Variants in INKA2 observed in about 807,000 individuals in gnomAD.
INKA2 encodes the protein PAK4-inhibitor INKA2.
In INKA2, 3 loss-of-function variants were observed where a neutral mutation model predicts 9.8. That is an observed-to-expected ratio of 0.31 (90% CI 0.14 to 0.79). INKA2 has a LOEUF of 0.79. INKA2 is among the 30% of genes least tolerant of loss of function. The pLI is 0.62. For missense variants in INKA2, 392 were observed against 384.4 expected (o/e 1.02, Z -0.17); for synonymous variants, 147 against 143.3 (o/e 1.03, Z -0.18).
At chr1:111,752,393 T>C (rs1276731912) in intron 1 of INKA2, among the ~76,000 whole-genome samples, 1 of 152,220 alleles carries the variant, frequency 6.6e-6, no homozygotes, top group Non-Finnish European at 1.5e-5. Flanking sequence ...AGGATACCTG[T>C]TTGTGTGCAT....
At chr1:111,746,876 C>G (rs1663285462) in intron 1 of INKA2, 1 of 152,204 alleles carries the variant, frequency 6.6e-6, no homozygotes, top group African/African-American at 2.4e-5. Flanking sequence ...GAATCCACAT[C>G]CTCTCGGTCA....
At chr1:111,730,928 T>C (rs931120092) in intron 1 of INKA2, among the ~76,000 whole-genome samples, 3 of 152,140 alleles carry the variant, frequency 2.0e-5, no homozygotes, top group Non-Finnish European at 4.4e-5. Flanking sequence ...GGTAACTCAC[T>C]ACACAGGGAG....
chr1:111,746,952 C>A (rs1663286967), intron 1 of INKA2: 1 of 152,192 alleles, frequency 6.6e-6, no homozygotes. Flanking sequence ...GTTTTCTCCT[C>A]CGTGATCTCT....
rs1321345188 is a variant in INKA2 at position 111,727,342 on chromosome 1, C to T, written c.520G>A (p.Glu174Lys). 1.9e-6 allele frequency: 3 copies of T among 1,614,058 alleles called. No homozygotes were observed. Among genetic ancestry groups the T allele is most frequent in the Non-Finnish European group, 2.5e-6 (3 of 1,180,042 alleles). The part of the protein sequence containing the change: ...DLVGNWLDLP[E>K]LEKGGEKGET... The stretch of plus-strand genomic sequence containing the variant: ...CCCTTCTCCCCACCCTTCTCCAGTT[C>T]TGGCAAGTCTAGCCAATTGCCCACC... Residue 174 changes from glutamate (E) to lysine (K), a missense_variant, in exon 2 of 2, where the codon GAA becomes AAA. Coordinates refer to ENST00000357260, the MANE Select transcript of INKA2 (RefSeq NM_019099.5).
chr1:111,752,177 G>A (rs1285459466), intron 1 of INKA2, among the ~76,000 whole-genome samples: 2 of 152,204 alleles, frequency 1.3e-5, no homozygotes, highest in Non-Finnish European at 2.9e-5. Context: ...GGGTGATTGG[G>A]ATCTTTGTGG....
chr1:111,754,226 AGGTGAGGGCACTAAGAGGAAGGCTG>A (rs1215940815), intron 1 of INKA2: 1 of 152,224 alleles, frequency 6.6e-6, no homozygotes, highest in Non-Finnish European at 1.5e-5. Context: ...CAGATAAAAG[AGGTGAGGGCACTAAGAGGAAGGCTG>A]GGACCTTTAG....
rs1266909591 is a variant in INKA2 at position 111,755,725 on chromosome 1, C to G, written n.100G>C. ...CCAGTTGCCTCATCTTTCCTCTCCT[C>G]CCTCTTGGGGCTTTCCTCAGGCCAC... is the stretch of plus-strand genomic sequence containing the variant. On this transcript the variant is annotated non_coding_transcript_exon_variant, in exon 1 of 2. Coordinates refer to the INKA2 transcript ENST00000444059. 1.9e-6 allele frequency: 3 copies of G among 1,613,816 alleles called. No individual in the cohort carries two copies. The Admixed American group carries it at 5.0e-5, about 27-fold the overall frequency.
chr1:111,739,606 C>G (rs779034363), upstream of INKA2, among the ~76,000 whole-genome samples: 2 of 152,238 alleles, frequency 1.3e-5, no homozygotes, highest in African/African-American at 4.8e-5. Context: ...TCCCGGCCAG[C>G]GCGGCGGAGG....
chr1:111,742,249 T>C (rs935838850), upstream of INKA2, among the ~76,000 whole-genome samples: 1 of 152,206 alleles, frequency 6.6e-6, no homozygotes, highest in African/African-American at 2.4e-5. Flanking sequence ...CCCCTGCTTA[T>C]GGGTTTAAAC....
At chr1:111,743,119 A>T (rs1034386582), upstream of INKA2, among the ~76,000 whole-genome samples, 1 of 152,162 alleles carries the variant, frequency 6.6e-6, no homozygotes, top group African/African-American at 2.4e-5. Context: ...TGGGCTGGGG[A>T]TGGGGGCTGG....
At chr1:111,746,407 A>G (rs1663275127) in intron 1 of INKA2, 1 of 152,266 alleles carries the variant, frequency 6.6e-6, no homozygotes, top group African/African-American at 2.4e-5. Flanking sequence ...CTCTCCTAGC[A>G]TTGAACAGAT....
At chr1:111,737,332 C>T (rs1663027965) in intron 1 of INKA2, among the ~76,000 whole-genome samples, 1 of 152,126 alleles carries the variant, frequency 6.6e-6, no homozygotes, top group African/African-American at 2.4e-5. Flanking sequence ...CACTCGTAGT[C>T]TCTGTCTTCC....
chr1:111,755,710 C>G lies in INKA2; in HGVS notation n.115G>C, dbSNP rs769990073. 24 of 1,613,780 alleles carry G rather than the reference C, an allele frequency of 1.5e-5. No individual in the cohort carries two copies. In the South Asian group the frequency reaches 2.6e-4, roughly 18 times the overall value. ...ACAGGCAGCGACTCACCAGTTGCCT[C>G]ATCTTTCCTCTCCTCCCTCTTGGGG... On this transcript the variant is annotated non_coding_transcript_exon_variant, in exon 1 of 2. Coordinates refer to the INKA2 transcript ENST00000444059.
chr1:111,739,503 C>T, upstream of INKA2: 4 of 1,237,402 alleles, frequency 3.2e-6, no homozygotes, highest in South Asian at 3.4e-5. Flanking sequence ...GCAGGGCGGC[C>T]GGGAGGCCGG....
chr1:111,753,861 G>C (rs1269823518), intron 1 of INKA2: 3 of 152,258 alleles, frequency 2.0e-5, no homozygotes, highest in Non-Finnish European at 4.4e-5. Flanking sequence ...ATTATTTATA[G>C]TGTGATGTGG....
intron 1 of INKA2, chr1:111,753,242 TAGATGGG>T (rs1663447650): frequency 6.6e-6 from 1 of 152,130 alleles, no homozygotes; most frequent in Non-Finnish European, 1.5e-5. Context: ...TTGGAGGAGG[TAGATGGG>T]CTGCTCTGCC....
In INKA2 at chr1:111,727,778, G is replaced by A. The variant is rs1468314906; in HGVS notation, c.84C>T (p.Gly28=). ...TCATGCAGTTCATCTGATCCTGTAAGCCATCACCCACCTCCTTCATGGACA... is the reference window on the plus strand; with the variant it reads ...TCATGCAGTTCATCTGATCCTGTAAACCATCACCCACCTCCTTCATGGACA... The part of the protein sequence containing the change: ...ELMSMKEVGD[G]LQDQMNCMMG... Residue 28 remains glycine, a synonymous_variant, in exon 2 of 2, where the codon GGC becomes GGT. Coordinates refer to ENST00000357260, the MANE Select transcript of INKA2 (RefSeq NM_019099.5). 1.2e-6 allele frequency: 2 copies of A among 1,608,568 alleles called. No homozygotes were observed. Among genetic ancestry groups the A allele is most frequent in the Admixed American group, 1.7e-5 (1 of 59,988 alleles).
At chr1:111,738,048 C>G (rs1158524043) in intron 1 of INKA2, among the ~76,000 whole-genome samples, 1 of 152,212 alleles carries the variant, frequency 6.6e-6, no homozygotes, top group Non-Finnish European at 1.5e-5. Flanking sequence ...TTTCTAGATC[C>G]AGGCCTGCTG....
upstream of INKA2, chr1:111,739,514 G>A: frequency 3.5e-6 from 4 of 1,145,070 alleles, no homozygotes; most frequent in East Asian, 6.2e-5. Flanking sequence ...GGGAGGCCGG[G>A]CTGGGCGGCC....
Sources: allele counts gnomAD v4.1 joint callset (sites outside exome capture counted in the v4.1 genomes callset), GRCh38; gene constraint gnomAD v4.1.1; transcripts MANE v1.5; gene names NCBI Gene and HGNC (gene_info 2026-07-23, HGNC 2026-07-21).